The following C8B variants were observed in gnomAD, a reference collection of about 807,000 sequenced individuals.
C8B encodes the protein complement C8 beta chain, also known as complement component C8 beta chain.
C8B carries 67 observed loss-of-function variants against 64.6 expected under a neutral mutation model. The ratio of observed to expected loss-of-function variants is 1.04; its 90% CI spans 0.85 to 1.27. C8B has a LOEUF of 1.27. Ranked by LOEUF, C8B falls within the 50% of genes most tolerant of loss-of-function variation. The pLI, the probability that C8B is intolerant of heterozygous loss-of-function variation, is 0.00. For synonymous variants in C8B, 284 were observed against 257.7 expected, an observed-to-expected ratio of 1.10 and a Z score of -0.98; for missense variants, 790 against 725.2, an observed-to-expected ratio of 1.09 and a Z score of -1.03.
chr1:56,958,184 C>A (rs1210359144), intron 2 of C8B, among the ~76,000 whole-genome samples: 1 of 152,120 alleles, frequency 6.6e-6, no homozygotes, highest in African/African-American at 2.4e-5. Flanking sequence ...AGGATTTTAT[C>A]CTGCGGCAAT....
chr1:56,965,811 C>A (rs747219955), intron 1 of C8B, 46 bp downstream of exon 1: 1 of 1,604,814 alleles, frequency 6.2e-7, no homozygotes. Flanking sequence ...GCTGCACCTT[C>A]CCTGTCATAT....
intron 2 of C8B, among the ~76,000 whole-genome samples, chr1:56,958,660 C>T (rs957463360): frequency 1.1e-4 from 17 of 152,292 alleles, no homozygotes; most frequent in African/African-American, 2.6e-4. Flanking sequence ...GGAACGTCTG[C>T]GGCAGACTCT....
chr1:56,935,238 A>G (rs775249922), intron 9 of C8B, among the ~76,000 whole-genome samples: 10 of 152,160 alleles, frequency 6.6e-5, no homozygotes, highest in Non-Finnish European at 1.2e-4. Flanking sequence ...TTTGCCAGCT[A>G]TGGTTTGACT....
rs1442571418 is a variant in C8B at position 56,943,831 on chromosome 1, A to G, written c.1106-7T>C. On this transcript the variant is annotated splice_region_variant and splice_polypyrimidine_tract_variant and intron_variant, in intron 7 of 11. Transcript: ENST00000371237. ...ACGTTGTTAAGAGTATAATCTGAAG[A>G]AAACAAGGAAAAAGGTCCATGACGT... 4.3e-6 allele frequency: 7 copies of G among 1,613,846 alleles called. No individual in the cohort carries two copies. The highest frequency in any genetic ancestry group is 5.9e-6 in the Non-Finnish European group (7 of 1,179,884).
chr1:56,953,809 G>T (rs543784223), intron 4 of C8B, among the ~76,000 whole-genome samples: 1 of 152,262 alleles, frequency 6.6e-6, no homozygotes, highest in African/African-American at 2.4e-5. Context: ...TTGAATGTCT[G>T]CTATCCCACA....
At chr1:56,956,673 C>T (rs969186596) in intron 3 of C8B, 96 bp downstream of exon 3, 5 of 1,395,122 alleles carry the variant, frequency 3.6e-6, no homozygotes, top group East Asian at 4.6e-5. Context: ...GCCCCATGAC[C>T]CTGATCTTGA....
In C8B at chr1:56,942,666, T is replaced by A. The variant is rs945355725; in HGVS notation, c.1234+1030A>T. On this transcript the variant is annotated intron_variant, in intron 8 of 11. Transcript: ENST00000371237. ...TTGCAGTGAGCTGAGGTCATACCAC[T>A]GCACTCCAGCCTGGGTGACAGAGTG... 4.4e-4 allele frequency among the ~76,000 whole-genome samples: 67 copies of A among 151,940 alleles called. 1 individual carries two copies. Among genetic ancestry groups the A allele is most frequent in the Non-Finnish European group, 8.7e-4 (59 of 67,986 alleles).
chr1:56,957,769 G>T (rs1252237157), intron 2 of C8B, among the ~76,000 whole-genome samples: 2 of 152,150 alleles, frequency 1.3e-5, no homozygotes, highest in East Asian at 3.9e-4. Flanking sequence ...AGATGCTGGG[G>T]TTGGGCCCCA....
intron 4 of C8B, among the ~76,000 whole-genome samples, chr1:56,952,726 G>A (rs942953356): frequency 2.6e-5 from 4 of 152,166 alleles, no homozygotes; most frequent in African/African-American, 9.7e-5. Flanking sequence ...TACTGCCCAG[G>A]TGACCTTGGG....
At chr1:56,954,193 C>A (rs972920306) in intron 4 of C8B, among the ~76,000 whole-genome samples, 1 of 152,110 alleles carries the variant, frequency 6.6e-6, no homozygotes. Flanking sequence ...AGGACAGGAC[C>A]AACTCAGAGA....
Position 56,960,050 on chromosome 1 carries a change from C to A in C8B, c.219G>T (p.Trp73Cys). ...TCTTCTGACAGGGGTCACATGTGGTCCAAGAGGACCAACTAGACAGCTCAC... is the reference window on the plus strand; with the variant it reads ...TCTTCTGACAGGGGTCACATGTGGTACAAGAGGACCAACTAGACAGCTCAC... The part of the protein sequence containing the change: ...IDCELSSWSS[W>C]TTCDPCQKKR... Residue 73 changes from tryptophan (W) to cysteine (C), a missense_variant, in exon 2 of 12, where the codon TGG becomes TGT. Trp to Cys is a radical substitution (Grantham distance 215, BLOSUM62 -2). Transcript: ENST00000371237. 6.2e-7 allele frequency: 1 copy of A among 1,614,102 alleles called. No individual in the cohort carries two copies. The highest frequency in any genetic ancestry group is 1.1e-5 in the South Asian group (1 of 91,068).
intron 1 of C8B, among the ~76,000 whole-genome samples, chr1:56,964,277 C>G (rs1645220577): frequency 6.6e-6 from 1 of 152,182 alleles, no homozygotes; most frequent in African/African-American, 2.4e-5. Flanking sequence ...TCGTGTCACT[C>G]CTTTGCTTCA....
At chr1:56,961,474 G>T (rs1645179248) in intron 1 of C8B, among the ~76,000 whole-genome samples, 1 of 152,150 alleles carries the variant, frequency 6.6e-6, no homozygotes, top group Admixed American at 6.5e-5. Context: ...TCATGCAGCT[G>T]GTATGCAGTG....
intron 10 of C8B, 22 bp from the exon 11 acceptor site, chr1:56,931,900 A>T (rs777970823): frequency 1.3e-6 from 2 of 1,591,856 alleles, no homozygotes; most frequent in South Asian, 1.1e-5. Flanking sequence ...AGGCAGAGAA[A>T]GTGTGAATCA....
At chr1:56,939,391 T>C (rs751522688) in intron 9 of C8B, among the ~76,000 whole-genome samples, 13 of 152,216 alleles carry the variant, frequency 8.5e-5, no homozygotes, top group Non-Finnish European at 1.8e-4. Flanking sequence ...GGCAGCCTTC[T>C]TGTTCTGCAG....
At position 56,944,012 on chromosome 1, in the gene C8B, T is replaced by C. The variant is rs1436333162; in HGVS notation, c.1106-188A>G. Among the ~76,000 whole-genome samples the C allele has an allele frequency of 2.0e-5, 3 of 152,090 alleles. No homozygotes were observed. In the East Asian group the frequency reaches 5.8e-4, roughly 29 times the overall value. On this transcript the variant is annotated intron_variant, in intron 7 of 11. Coordinates refer to ENST00000371237, the MANE Select transcript of C8B (RefSeq NM_000066.4). ...CACCAGGGCAGAGACCTCGTAGAGC[T>C]CAGGTCCAGCTTCCCTTTCAGCCTC... is the stretch of plus-strand genomic sequence containing the variant.
intron 2 of C8B, chr1:56,959,601 A>C (rs1645148003): frequency 6.5e-7 from 1 of 1,535,550 alleles, no homozygotes; most frequent in East Asian, 2.4e-5. Context: ...TTGTGCTGGA[A>C]ATGTAGGCTA....
intron 3 of C8B, among the ~76,000 whole-genome samples, chr1:56,956,350 AG>A (rs1645103583): frequency 6.6e-6 from 1 of 152,184 alleles, no homozygotes; most frequent in South Asian, 2.1e-4. Flanking sequence ...TTTTCAGTTG[AG>A]GGAGCCAAAA....
chr1:56,930,018 G>A (rs1053729602), intron 11 of C8B, among the ~76,000 whole-genome samples: 23 of 152,146 alleles, frequency 1.5e-4, no homozygotes, highest in African/African-American at 7.2e-5. Context: ...TCTCTATTGT[G>A]ACTGGGGCTG....
Sources: gnomAD v4.1 joint callset for allele counts (sites outside exome capture counted in the v4.1 genomes callset) on GRCh38, gnomAD v4.1.1 for gene constraint, MANE v1.5 for transcripts, NCBI Gene and HGNC (gene_info 2026-07-23, HGNC 2026-07-21) for gene names.